The following PCDHA2 variants were observed in gnomAD, a reference collection of about 807,000 sequenced individuals.
The protein encoded by PCDHA2 is protocadherin alpha 2.
In PCDHA2, 58 loss-of-function variants were observed where a neutral mutation model predicts 66.0. That is an observed-to-expected ratio of 0.88 (90% CI 0.71 to 1.09). The LOEUF is 1.09. Among genes scored for constraint, PCDHA2 ranks in the 50% least tolerant of loss-of-function variants. PCDHA2 has a pLI of 0.00. For missense variants in PCDHA2, 1,267 were observed against 1,242.3 expected (o/e 1.02, Z -0.30); for synonymous variants, 634 against 554.0 (o/e 1.14, Z -2.03).
intron 1 of PCDHA2, among the ~76,000 whole-genome samples, chr5:140,838,075 ATAGTGTGTGTGTGTGTGTGTGTGTGTGT>A (rs1454166175): frequency 1.6e-5 from 2 of 128,136 alleles, no homozygotes; most frequent in Non-Finnish European, 3.3e-5. Flanking sequence ...TTATATATAT[ATAGTGTGTGTGTGTGTGTGTGTGTGTGT>A]GTGTGTGTGT....
chr5:140,860,136 T>C (rs2150487566), intron 1 of PCDHA2: 1 of 150,532 alleles, frequency 6.6e-6, no homozygotes, highest in East Asian at 2.0e-4. Context: ...TGTGTGTGTA[T>C]ATATATGTAT....
At chr5:140,974,240 A>G (rs1554235899) in intron 1 of PCDHA2, among the ~76,000 whole-genome samples, 1 of 152,188 alleles carries the variant, frequency 6.6e-6, no homozygotes, top group African/African-American at 2.4e-5. Context: ...CTTGGCATAT[A>G]AGCACCATCA....
At chr5:140,838,717 C>T (rs1775851358) in intron 1 of PCDHA2, among the ~76,000 whole-genome samples, 1 of 151,954 alleles carries the variant, frequency 6.6e-6, no homozygotes, top group Admixed American at 6.6e-5. Context: ...AGGAGGATTG[C>T]TTCAGTCTAG....
intron 3 of PCDHA2, among the ~76,000 whole-genome samples, chr5:140,992,004 G>A (rs1165725360): frequency 2.0e-5 from 3 of 147,598 alleles, no homozygotes; most frequent in Non-Finnish European, 3.0e-5. Context: ...TTCATGTTCA[G>A]GCAGAGGTGG....
At chr5:140,894,184 A>T (rs1411546476) in intron 1 of PCDHA2, among the ~76,000 whole-genome samples, 13 of 152,046 alleles carry the variant, frequency 8.6e-5, no homozygotes, top group African/African-American at 3.1e-4. Context: ...TTCCATAGTT[A>T]TATATTTTTT....
At chr5:140,829,409 A>C (rs2150167358) in intron 1 of PCDHA2, 48 of 1,614,026 alleles carry the variant, frequency 3.0e-5, no homozygotes, top group Non-Finnish European at 4.0e-5. Flanking sequence ...GGCCACCGCC[A>C]GCTTGTCTGT....
intron 1 of PCDHA2, among the ~76,000 whole-genome samples, chr5:140,821,111 A>T (rs2150108714): frequency 9.2e-5 from 14 of 152,284 alleles, no homozygotes; most frequent in South Asian, 8.3e-4. Flanking sequence ...TCACTATTAA[A>T]CAGTGAAATT....
intron 1 of PCDHA2, among the ~76,000 whole-genome samples, chr5:140,940,929 A>G (rs2092704989): frequency 1.3e-5 from 2 of 152,230 alleles, no homozygotes; most frequent in Non-Finnish European, 2.9e-5. Flanking sequence ...CTCCTTGGCT[A>G]CTTAGACTAC....
chr5:140,968,768 C>T, intron 1 of PCDHA2: 1 of 1,614,174 alleles, frequency 6.2e-7, no homozygotes, highest in South Asian at 1.1e-5. Flanking sequence ...TAATGGAGAG[C>T]CATCACTATC....
intron 1 of PCDHA2, among the ~76,000 whole-genome samples, chr5:140,909,417 G>A (rs1016868783): frequency 2.0e-5 from 3 of 152,156 alleles, no homozygotes; most frequent in Non-Finnish European, 1.5e-5. Flanking sequence ...TTACCATTTG[G>A]TTAAACTTAT....
chr5:140,913,821 A>G (rs2153527973), intron 1 of PCDHA2, among the ~76,000 whole-genome samples: 1 of 152,122 alleles, frequency 6.6e-6, no homozygotes, highest in East Asian at 1.9e-4. Context: ...TTCCTTTTAA[A>G]TTTCTTTATT....
In PCDHA2 at chr5:140,797,180, T is replaced by C; in HGVS notation, c.2216T>C (p.Leu739Pro). ...GCGCGCGCGCCAGGAAAGCCCACGC[T>C]GGTGTGCTCCAGCGCCGTGGGGAGC... is the stretch of plus-strand genomic sequence containing the variant. Reference protein sequence around the residue: ...EGARAPGKPTLVCSSAVGSWS... With the variant: ...EGARAPGKPTPVCSSAVGSWS... The change falls in exon 1 of 4, where the codon CTG becomes CCG. Residue 739 changes from leucine to proline, a missense_variant. Coordinates refer to ENST00000526136, the MANE Select transcript of PCDHA2 (RefSeq NM_018905.3). 1 of 1,614,098 alleles carries C rather than the reference T, an allele frequency of 6.2e-7. No homozygotes were observed. Among genetic ancestry groups the C allele is most frequent in the East Asian group, 2.2e-5 (1 of 44,866 alleles).
intron 1 of PCDHA2, chr5:140,876,741 G>C: frequency 6.2e-7 from 1 of 1,614,264 alleles, no homozygotes; most frequent in Non-Finnish European, 8.5e-7. Flanking sequence ...CCTATGAGCT[G>C]GTGGTGACTG....
intron 1 of PCDHA2, chr5:140,836,156 G>T: frequency 6.2e-7 from 1 of 1,613,820 alleles, no homozygotes; most frequent in Non-Finnish European, 8.5e-7. Flanking sequence ...GCCATGTGGT[G>T]GCGAAGGTAC....
Position 140,850,162 on chromosome 5 carries a change from T to A in PCDHA2, c.2388+52810T>A. On this transcript the variant is annotated intron_variant, in intron 1 of 3. Transcript: ENST00000526136. ...AACGTGACGCTGCAGGTGTTCGTGCTGGACGAGAACGACAATGCGCCGGCG... is the reference window on the plus strand; with the variant it reads ...AACGTGACGCTGCAGGTGTTCGTGCAGGACGAGAACGACAATGCGCCGGCG... 8.8e-6 allele frequency: 14 copies of A among 1,595,026 alleles called. 2 individuals carry two copies. The highest frequency in any genetic ancestry group is 1.2e-5 in the Non-Finnish European group (14 of 1,167,802).
At chr5:140,881,650 T>C (rs508730) in intron 1 of PCDHA2, among the ~76,000 whole-genome samples, 2,267 of 152,332 alleles carry the variant, frequency 0.015, 53 homozygotes, top group African/African-American at 0.052. Flanking sequence ...ATTTTTCACC[T>C]TCACCGATTT....
At chr5:140,876,583 CT>C in intron 1 of PCDHA2, 1 of 1,614,194 alleles carries the variant, frequency 6.2e-7, no homozygotes, top group Non-Finnish European at 8.5e-7. Context: ...CGTCATTGCC[CT>C]GATTAGCGTG....
In PCDHA2 at chr5:140,841,444, C is replaced by T. The variant is rs2150315677; in HGVS notation, c.2388+44092C>T. 15 of 1,612,806 alleles carry T rather than the reference C, an allele frequency of 9.3e-6. 1 individual carries two copies. The highest frequency in any genetic ancestry group is 1.3e-5 in the African/African-American group (1 of 74,834). ...ACTCCGTCCCCGAGGAGGCCAAACACGGCACCTTCGTGGGCCGGATCGCGC... is the reference window on the plus strand; with the variant it reads ...ACTCCGTCCCCGAGGAGGCCAAACATGGCACCTTCGTGGGCCGGATCGCGC... On this transcript the variant is annotated intron_variant, in intron 1 of 3. Transcript: ENST00000526136.
rs781820550 is a variant in PCDHA2, at chr5:140,869,927, G to A, written c.2388+72575G>A. 14 of 1,611,538 alleles carry A rather than the reference G, an allele frequency of 8.7e-6. No individual in the cohort carries two copies. The East Asian group carries it at 2.5e-4, about 28-fold the overall frequency. On this transcript the variant is annotated intron_variant, in intron 1 of 3. Coordinates refer to ENST00000526136, the MANE Select transcript of PCDHA2 (RefSeq NM_018905.3). ...ACAGACCGAGACGAAGGAGTCAATG[G>A]AGAGGTAACATACTCCTTAATGTCA...
Sources: allele counts gnomAD v4.1 joint callset (sites outside exome capture counted in the v4.1 genomes callset), GRCh38; gene constraint gnomAD v4.1.1; transcripts MANE v1.5; gene names NCBI Gene and HGNC (gene_info 2026-07-23, HGNC 2026-07-21).